TMEFF2: variants seen among roughly 807,000 people sequenced by gnomAD.
The protein encoded by TMEFF2 is transmembrane protein with EGF like and two follistatin like domains 2, also known as tomoregulin-2.
In TMEFF2, 28 loss-of-function variants were observed where a neutral mutation model predicts 53.8. The observed-to-expected ratio is 0.52, with a 90% CI of 0.39 to 0.71. TMEFF2 has a LOEUF of 0.71. Ranked by LOEUF, TMEFF2 falls within the 30% of genes least tolerant of loss-of-function variation. The pLI is 0.00. For missense variants in TMEFF2, 353 were observed against 455.2 expected (o/e 0.78, Z 2.04); for synonymous variants, 162 against 166.3 (o/e 0.97, Z 0.20).
chr2:192,013,408 A>G (rs1686675504), intron 5 of TMEFF2, among the ~76,000 whole-genome samples: 2 of 151,500 alleles, frequency 1.3e-5, no homozygotes, highest in South Asian at 2.1e-4. Flanking sequence ...TGAGTGCCCT[A>G]TCTAACACAG....
chr2:191,965,734 G>C (rs1225438983), intron 7 of TMEFF2, among the ~76,000 whole-genome samples: 1 of 152,046 alleles, frequency 6.6e-6, no homozygotes, highest in Admixed American at 6.6e-5. Context: ...CCTTTGCCTG[G>C]AATGCTCACT....
At chr2:192,086,807 T>G (rs901397348) in intron 4 of TMEFF2, among the ~76,000 whole-genome samples, 4 of 152,112 alleles carry the variant, frequency 2.6e-5, no homozygotes, top group Non-Finnish European at 5.9e-5. Flanking sequence ...TGAAATATTT[T>G]TATTTTGTTA....
intron 5 of TMEFF2, among the ~76,000 whole-genome samples, chr2:192,008,638 C>T (rs555041794): frequency 2.6e-5 from 4 of 152,160 alleles, no homozygotes; most frequent in South Asian, 4.2e-4. Flanking sequence ...GCATGAAAAC[C>T]CCAGAATAAA....
At chr2:192,117,415 C>T (rs892996241) in intron 4 of TMEFF2, among the ~76,000 whole-genome samples, 1 of 152,082 alleles carries the variant, frequency 6.6e-6, no homozygotes, top group African/African-American at 2.4e-5. Context: ...AAAGATTCCT[C>T]AAGTGAGTAA....
chr2:192,013,157 T>C (rs188269532), intron 5 of TMEFF2, among the ~76,000 whole-genome samples: 52 of 152,304 alleles, frequency 3.4e-4, no homozygotes, highest in Non-Finnish European at 1.0e-4. Flanking sequence ...ATAAAACTTG[T>C]AGTCCTTACC....
chr2:191,953,634 C>T (rs375795782), intron 9 of TMEFF2, 45 bp downstream of exon 9: 85 of 1,595,864 alleles, frequency 5.3e-5, no homozygotes, highest in Non-Finnish European at 6.3e-5. Context: ...AAAAGAGTAA[C>T]AATATATCCC....
chr2:192,032,419 T>C (rs1372548471), intron 5 of TMEFF2: 1 of 152,174 alleles, frequency 6.6e-6, no homozygotes, highest in Non-Finnish European at 1.5e-5. Flanking sequence ...AATGATTCTT[T>C]TATTGGGCAT....
chr2:191,968,995 G>A (rs1274044028), intron 7 of TMEFF2, among the ~76,000 whole-genome samples: 2 of 152,032 alleles, frequency 1.3e-5, no homozygotes, highest in Non-Finnish European at 2.9e-5. Flanking sequence ...TAACACACCT[G>A]TTACCTATTC....
chr2:192,152,859 A>G (rs1690420162), intron 4 of TMEFF2, among the ~76,000 whole-genome samples: 1 of 151,834 alleles, frequency 6.6e-6, no homozygotes, highest in South Asian at 2.1e-4. Flanking sequence ...ATAACCAAAG[A>G]CAACCATTCT....
At chr2:192,115,807 G>A (rs1559132961) in intron 4 of TMEFF2, among the ~76,000 whole-genome samples, 1 of 151,896 alleles carries the variant, frequency 6.6e-6, no homozygotes, top group Non-Finnish European at 1.5e-5. Context: ...ACGTCTGCTG[G>A]GATGGCTATT....
At chr2:192,025,964 T>G (rs978481556) in intron 5 of TMEFF2, among the ~76,000 whole-genome samples, 2 of 152,228 alleles carry the variant, frequency 1.3e-5, no homozygotes, top group African/African-American at 4.8e-5. Flanking sequence ...TGGTTATTCA[T>G]ACATTCTTAC....
chr2:192,033,074 ACCTCAAGC>A (rs1170524398), intron 5 of TMEFF2, among the ~76,000 whole-genome samples: 1 of 152,094 alleles, frequency 6.6e-6, no homozygotes, highest in Non-Finnish European at 1.5e-5. Context: ...ATACCCACTC[ACCTCAAGC>A]CCCCAGTAGA....
chr2:191,965,990 G>GAAA (rs11347194), intron 7 of TMEFF2, among the ~76,000 whole-genome samples: 1 of 141,252 alleles, frequency 7.1e-6, no homozygotes. Flanking sequence ...TTTGATTTAA[G>GAAA]AAAAAAAAAA....
chr2:192,084,791 G>T (rs565554953), intron 4 of TMEFF2, among the ~76,000 whole-genome samples: 1 of 152,264 alleles, frequency 6.6e-6, no homozygotes, highest in South Asian at 2.1e-4. Flanking sequence ...TGGGTGTCTA[G>T]CACAGGTTGA....
intron 4 of TMEFF2, among the ~76,000 whole-genome samples, chr2:192,069,912 A>G (rs992227016): frequency 1.3e-5 from 2 of 150,554 alleles, no homozygotes; most frequent in Non-Finnish European, 3.0e-5. Context: ...TAACTTAATT[A>G]TAATATAATT....
chr2:192,048,468 C>T (rs1687680791), intron 5 of TMEFF2, among the ~76,000 whole-genome samples: 1 of 150,644 alleles, frequency 6.6e-6, no homozygotes, highest in African/African-American at 2.4e-5. Flanking sequence ...TTTTGTATTT[C>T]TATTTTTTTT....
chr2:192,163,984 A>G (rs1314712058), intron 4 of TMEFF2, among the ~76,000 whole-genome samples: 1 of 152,174 alleles, frequency 6.6e-6, no homozygotes, highest in African/African-American at 2.4e-5. Context: ...TGTTGCCACC[A>G]TATTATTCAG....
At chr2:192,082,448 CA>C (rs1299529099) in intron 4 of TMEFF2, among the ~76,000 whole-genome samples, 3 of 152,122 alleles carry the variant, frequency 2.0e-5, no homozygotes, top group Non-Finnish European at 4.4e-5. Flanking sequence ...CTAAAAGAAT[CA>C]TCCAATTTTC....
chr2:192,182,971 C>T (rs539620630), intron 3 of TMEFF2, among the ~76,000 whole-genome samples: 2 of 152,038 alleles, frequency 1.3e-5, no homozygotes, highest in South Asian at 4.1e-4. Flanking sequence ...TTGGAGAAGG[C>T]TGCCCATTGA....
Sources: allele counts gnomAD v4.1 joint callset (sites outside exome capture counted in the v4.1 genomes callset), GRCh38; gene constraint gnomAD v4.1.1; transcripts MANE v1.5; gene names NCBI Gene and HGNC (gene_info 2026-07-23, HGNC 2026-07-21).